LTBP1: variants seen among roughly 807,000 people sequenced by gnomAD.
LTBP1 encodes latent transforming growth factor beta binding protein 1, also known as latent-transforming growth factor beta-binding protein 1.
In LTBP1, 129 loss-of-function variants were observed where a neutral mutation model predicts 207.6. That is an observed-to-expected ratio of 0.62 (90% CI 0.54 to 0.72). The LOEUF is 0.72. Ranked by LOEUF, LTBP1 falls within the 30% of genes least tolerant of loss-of-function variation. LTBP1 has a pLI of 0.00. For synonymous variants in LTBP1, 963 were observed against 833.7 expected, an observed-to-expected ratio of 1.16 and a Z score of -2.67; for missense variants, 2,281 against 2,217.2, an observed-to-expected ratio of 1.03 and a Z score of -0.58.
chr2:33,066,573 G>A (rs1161302483), intron 3 of LTBP1, among the ~76,000 whole-genome samples: 5 of 152,080 alleles, frequency 3.3e-5, no homozygotes, highest in African/African-American at 1.2e-4. Context: ...AAATTAGATG[G>A]CAAAGCATTG....
At chr2:33,083,883 AT>A (rs764553057) in intron 3 of LTBP1, among the ~76,000 whole-genome samples, 1 of 152,210 alleles carries the variant, frequency 6.6e-6, no homozygotes, top group Non-Finnish European at 1.5e-5. Context: ...GCACTGTCAA[AT>A]TGAGGAAGCC....
At chr2:33,326,686 T>C (rs1033843450) in intron 24 of LTBP1, among the ~76,000 whole-genome samples, 1 of 152,016 alleles carries the variant, frequency 6.6e-6, no homozygotes, top group Admixed American at 6.6e-5. Flanking sequence ...GGAGGCCGAA[T>C]CTCGCTCTGT....
intron 23 of LTBP1, among the ~76,000 whole-genome samples, chr2:33,311,025 G>T (rs966512209): frequency 7.2e-5 from 11 of 151,940 alleles, no homozygotes; most frequent in African/African-American, 2.2e-4. Flanking sequence ...TACTGAATAT[G>T]TATGATTTTT....
chr2:33,114,621 C>T (rs565459174), intron 4 of LTBP1, among the ~76,000 whole-genome samples: 2 of 152,116 alleles, frequency 1.3e-5, no homozygotes, highest in African/African-American at 2.4e-5. Context: ...TTTGAAGGCA[C>T]CCAGAAAAGC....
At chr2:33,255,940 A>C (rs2147806275) in intron 11 of LTBP1, among the ~76,000 whole-genome samples, 1 of 152,286 alleles carries the variant, frequency 6.6e-6, no homozygotes, top group African/African-American at 2.4e-5. Context: ...CTCCAACACC[A>C]ACACCAAAGG....
chr2:33,085,171 G>C (rs1029566695), intron 3 of LTBP1, among the ~76,000 whole-genome samples: 1 of 152,060 alleles, frequency 6.6e-6, no homozygotes, highest in Non-Finnish European at 1.5e-5. Flanking sequence ...AGAGGCAAGG[G>C]ATGATTCTCT....
intron 16 of LTBP1, among the ~76,000 whole-genome samples, chr2:33,274,468 A>G (rs2093384695): frequency 6.6e-6 from 1 of 152,016 alleles, no homozygotes; most frequent in African/African-American, 2.4e-5. Flanking sequence ...TGTATGGGGG[A>G]GAAAGGAGAC....
chr2:33,246,769 A>G (rs2092528680), intron 10 of LTBP1, among the ~76,000 whole-genome samples: 1 of 152,182 alleles, frequency 6.6e-6, no homozygotes, highest in Non-Finnish European at 1.5e-5. Flanking sequence ...CTGCAGCCAA[A>G]GGTTGCAACA....
At chr2:33,076,752 G>A (rs1242321984) in intron 3 of LTBP1, among the ~76,000 whole-genome samples, 1 of 151,980 alleles carries the variant, frequency 6.6e-6, no homozygotes, top group Non-Finnish European at 1.5e-5. Context: ...GGCCAGGATG[G>A]TCTCAATCTC....
intron 3 of LTBP1, among the ~76,000 whole-genome samples, chr2:33,035,003 C>A (rs1290059863): frequency 6.6e-6 from 1 of 152,178 alleles, no homozygotes; most frequent in Non-Finnish European, 1.5e-5. Context: ...TGGAATATGT[C>A]ATTTCTTGGC....
intron 24 of LTBP1, among the ~76,000 whole-genome samples, chr2:33,316,363 A>G (rs2094272370): frequency 6.6e-6 from 1 of 152,234 alleles, no homozygotes; most frequent in Admixed American, 6.5e-5. Context: ...AAATAGTGCA[A>G]CAGGAAGTAT....
chr2:33,338,475 T>G (rs2094578057), intron 24 of LTBP1, among the ~76,000 whole-genome samples: 1 of 152,238 alleles, frequency 6.6e-6, no homozygotes, highest in African/African-American at 2.4e-5. Context: ...TTAGCTGTCC[T>G]TCCACTCATT....
At chr2:33,141,700 A>G (rs1274467189) in intron 5 of LTBP1, among the ~76,000 whole-genome samples, 3 of 152,116 alleles carry the variant, frequency 2.0e-5, no homozygotes, top group Non-Finnish European at 4.4e-5. Flanking sequence ...TGAAGTGGTG[A>G]TGAGTGTTGT....
intron 2 of LTBP1, among the ~76,000 whole-genome samples, chr2:32,952,659 C>T (rs1285556189): frequency 6.6e-6 from 1 of 151,942 alleles, no homozygotes; most frequent in African/African-American, 2.4e-5. Flanking sequence ...TTTTTCTGCG[C>T]CCAAACTGAA....
chr2:33,113,025 A>G (rs1180909500), intron 4 of LTBP1, among the ~76,000 whole-genome samples: 1 of 152,258 alleles, frequency 6.6e-6, no homozygotes, highest in Non-Finnish European at 1.5e-5. Context: ...AGAAGATACT[A>G]AGATCATTTG....
At chr2:33,274,423 C>G (rs2148392817) in intron 16 of LTBP1, among the ~76,000 whole-genome samples, 1 of 151,488 alleles carries the variant, frequency 6.6e-6, no homozygotes, top group East Asian at 1.9e-4. Context: ...ATTAATACTT[C>G]TTTAGTATAT....
At chr2:32,955,202 A>ACCT (rs2148319950) in intron 2 of LTBP1, among the ~76,000 whole-genome samples, 1 of 152,352 alleles carries the variant, frequency 6.6e-6, no homozygotes, top group Admixed American at 6.5e-5. Flanking sequence ...TTAAAGGCCA[A>ACCT]CCTCAACGCT....
At chr2:33,254,905 A>G (rs1207890337) in intron 11 of LTBP1, among the ~76,000 whole-genome samples, 2 of 77,146 alleles carry the variant, frequency 2.6e-5, no homozygotes, top group Non-Finnish European at 5.1e-5. Context: ...TACATTTATT[A>G]ATATCAAACA....
intron 2 of LTBP1, among the ~76,000 whole-genome samples, chr2:32,953,540 T>G (rs1677545046): frequency 6.6e-6 from 1 of 152,214 alleles, no homozygotes; most frequent in Non-Finnish European, 1.5e-5. Context: ...AAGTTCACAC[T>G]AGGTCAAATA....
Sources: gnomAD v4.1 joint callset for allele counts (sites outside exome capture counted in the v4.1 genomes callset) on GRCh38, gnomAD v4.1.1 for gene constraint, MANE v1.5 for transcripts, NCBI Gene and HGNC (gene_info 2026-07-23, HGNC 2026-07-21) for gene names.